KIF20B: variants seen among roughly 807,000 people sequenced by gnomAD.
KIF20B encodes kinesin family member 20B.
Under a neutral mutation model 232.5 loss-of-function variants are expected in KIF20B, and 188 were observed. That is an observed-to-expected ratio of 0.81 (90% CI 0.72 to 0.91). KIF20B has a LOEUF of 0.91. Among genes scored for constraint, KIF20B ranks in the 40% least tolerant of loss-of-function variants. The pLI, the probability that KIF20B is intolerant of heterozygous loss-of-function variation, is 0.00. For synonymous variants in KIF20B, 712 were observed against 683.0 expected, an observed-to-expected ratio of 1.04 and a Z score of -0.66; for missense variants, 2,154 against 2,055.9, an observed-to-expected ratio of 1.05 and a Z score of -0.92.
In KIF20B at chr10:89,715,045, A is replaced by C. The variant is rs779189217; in HGVS notation, c.803A>C (p.Lys268Thr). ...QANLNMANSI[K>T]FSVWVSFFEI... is the part of the protein sequence containing the mutation. ...AACTTGAATATGGCTAATAGTATAAAATTTTCTGTGTGGGTTTCTTTCTTT... is the reference window on the plus strand; with the variant it reads ...AACTTGAATATGGCTAATAGTATAACATTTTCTGTGTGGGTTTCTTTCTTT... Residue 268 changes from lysine to threonine, a missense_variant, in exon 8 of 33, where the codon AAA becomes ACA. Physicochemically the swap from Lys to Thr is moderately conservative, Grantham distance 78. Transcript: ENST00000371728. 1.9e-6 allele frequency: 3 copies of C among 1,607,130 alleles called. No individual in the cohort carries two copies.
At chr10:89,760,048 A>C (rs1240210254) in intron 27 of KIF20B, among the ~76,000 whole-genome samples, 1 of 152,186 alleles carries the variant, frequency 6.6e-6, no homozygotes, top group Non-Finnish European at 1.5e-5. Flanking sequence ...TTTGTACTGT[A>C]ATGCTATAGT....
chr10:89,714,192 A>C (rs1842890076), intron 7 of KIF20B, 109 bp downstream of exon 7: 1 of 576,044 alleles, frequency 1.7e-6, no homozygotes. Flanking sequence ...TTATTAAAAA[A>C]TTTTTAGGCT....
intron 8 of KIF20B, among the ~76,000 whole-genome samples, chr10:89,715,636 C>G (rs550812895): frequency 6.6e-6 from 1 of 152,116 alleles, no homozygotes; most frequent in African/African-American, 2.4e-5. Context: ...TCAAAAGTTT[C>G]GTTAATTATA....
chr10:89,733,207 A>C, intron 19 of KIF20B, 151 bp downstream of exon 19: 1 of 713,116 alleles, frequency 1.4e-6, no homozygotes. Flanking sequence ...AAAGTTATAC[A>C]TTTTCTAGGG....
Position 89,724,080 on chromosome 10 carries a change from G to C in KIF20B, c.1839G>C (p.Trp613Cys). Residue 613 changes from tryptophan (W) to cysteine (C), a missense_variant, in exon 14 of 33, where the codon TGG becomes TGC. By Grantham distance (215) the Trp-to-Cys change is radical. Coordinates refer to ENST00000371728, the MANE Select transcript of KIF20B (RefSeq NM_001284259.2). ...EEVTQEFTQYWAQREADFKET... is the reference protein window; with the variant it reads ...EEVTQEFTQYCAQREADFKET... ...TTACACAGGAGTTTACTCAGTATTG[G>C]GCTCAACGGGAAGCTGACTTTAAGT... The C allele has an allele frequency of 6.6e-7, 1 of 1,515,998 alleles. No individual in the cohort carries two copies. The highest frequency in any genetic ancestry group is 8.8e-7 in the Non-Finnish European group (1 of 1,139,238). The allele number at this position is 1,515,998 out of a possible 1,614,324, so 93.9% of individuals were successfully genotyped here. A position where few individuals can be genotyped will look rare whatever the true frequency, so the allele number is the denominator to read the frequency against.
chr10:89,749,723 T>C (rs75373943), intron 23 of KIF20B, among the ~76,000 whole-genome samples: 4,566 of 152,296 alleles, frequency 0.03, 370 homozygotes, highest in East Asian at 0.27. Context: ...TCATCCATAT[T>C]GTGTATGTAT....
intron 13 of KIF20B, among the ~76,000 whole-genome samples, chr10:89,720,715 T>C (rs1173800488): frequency 1.3e-5 from 2 of 152,192 alleles, no homozygotes; most frequent in African/African-American, 4.8e-5. Context: ...TATTTATTTA[T>C]TTATTTTTGA....
chr10:89,725,640 G>A (rs1038001096), intron 15 of KIF20B, among the ~76,000 whole-genome samples: 15 of 152,020 alleles, frequency 9.9e-5, no homozygotes, highest in Non-Finnish European at 2.9e-5. Flanking sequence ...GGGTCTTGCC[G>A]TGTTACCCAG....
chr10:89,732,388 G>T (rs1336059397), intron 18 of KIF20B, among the ~76,000 whole-genome samples: 1 of 152,008 alleles, frequency 6.6e-6, no homozygotes, highest in Non-Finnish European at 1.5e-5. Context: ...CTCCCAAAGT[G>T]CTGGGATTAC....
chr10:89,771,321 G>A (rs1370752748), intron 31 of KIF20B, among the ~76,000 whole-genome samples: 1 of 152,002 alleles, frequency 6.6e-6, no homozygotes, highest in Non-Finnish European at 1.5e-5. Flanking sequence ...CAAAATGTCT[G>A]TCTAGTTCAT....
chr10:89,725,190 G>A (rs770435961), intron 15 of KIF20B, 32 bp downstream of exon 15: 12 of 1,606,594 alleles, frequency 7.5e-6, no homozygotes, highest in Admixed American at 1.7e-5. Flanking sequence ...AAAATATCCA[G>A]TGAGGTTTTG....
At chr10:89,734,392 CAA>C (rs1841598962) in intron 19 of KIF20B, among the ~76,000 whole-genome samples, 1 of 152,082 alleles carries the variant, frequency 6.6e-6, no homozygotes, top group Non-Finnish European at 1.5e-5. Flanking sequence ...GCCAGGGCAA[CAA>C]GAGTGAAACT....
intron 21 of KIF20B, 43 bp from the exon 22 acceptor site, chr10:89,743,765 A>G (rs1212752809): frequency 4.7e-6 from 6 of 1,274,652 alleles, no homozygotes; most frequent in East Asian, 2.7e-5. Flanking sequence ...AGCAGTTAGT[A>G]TTTTTAAAAT....
chr10:89,715,306 G>A (rs1278146560), intron 8 of KIF20B, 124 bp downstream of exon 8: 1 of 658,084 alleles, frequency 1.5e-6, no homozygotes, highest in Admixed American at 3.3e-5. Flanking sequence ...ATTAAGAGAA[G>A]AAGATAATTT....
chr10:89,720,050 A>C (rs918100893), intron 13 of KIF20B, among the ~76,000 whole-genome samples: 1 of 152,156 alleles, frequency 6.6e-6, no homozygotes, highest in African/African-American at 2.4e-5. Context: ...AAGACCATGA[A>C]ATTTTCATAC....
At position 89,760,547 on chromosome 10, in the gene KIF20B, A is replaced by G. The variant is rs1842217078; in HGVS notation, c.4702A>G (p.Lys1568Glu). Residue 1568 changes from lysine (K) to glutamate (E), a missense_variant, in exon 28 of 33, where the codon AAG (lysine) becomes GAG (glutamate). By Grantham distance (56) the Lys-to-Glu change is moderately conservative. Transcript: ENST00000371728. ...TTAGGAAACACAAATCATGGATATC[A>G]AGCCCAAACGTATTAGTTCAGCAGA... ...SKIETQIMDI[K>E]PKRISSADPD... 1.2e-6 allele frequency: 2 copies of G among 1,612,266 alleles called. No homozygotes were observed. Among genetic ancestry groups the G allele is most frequent in the Non-Finnish European group, 1.7e-6 (2 of 1,178,640 alleles).
Position 89,706,721 on chromosome 10 carries a change from G to A in KIF20B, c.147+1280G>A, listed in dbSNP as rs560506102. On this transcript the variant is annotated intron_variant, in intron 2 of 32. Coordinates refer to ENST00000371728, the MANE Select transcript of KIF20B (RefSeq NM_001284259.2). Reference sequence around the variant, plus strand: ...CCTGTTGTTTTGGTGCTTTACAAACGGCTGTGTATATGTGGATCTATTTCT... The same window carrying A: ...CCTGTTGTTTTGGTGCTTTACAAACAGCTGTGTATATGTGGATCTATTTCT... Among the ~76,000 whole-genome samples the A allele has an allele frequency of 2.0e-5, 3 of 151,706 alleles. No homozygotes were observed. In the East Asian group the frequency reaches 5.8e-4, roughly 29 times the overall value.
chr10:89,737,012 A>G (rs1054915756), intron 19 of KIF20B, among the ~76,000 whole-genome samples: 1 of 152,092 alleles, frequency 6.6e-6, no homozygotes, highest in African/African-American at 2.4e-5. Context: ...ATGTCTGCCT[A>G]GGGTTTCTCG....
chr10:89,710,116 A>G, intron 5 of KIF20B, 51 bp downstream of exon 5: 5 of 1,511,768 alleles, frequency 3.3e-6, no homozygotes, highest in Non-Finnish European at 4.5e-6. Context: ...AATAATAATC[A>G]CTCAGTGTTT....
Sources: gnomAD v4.1 joint callset for allele counts (sites outside exome capture counted in the v4.1 genomes callset) on GRCh38, gnomAD v4.1.1 for gene constraint, MANE v1.5 for transcripts, NCBI Gene and HGNC (gene_info 2026-07-23, HGNC 2026-07-21) for gene names.